Variants in ATP8A2 observed in about 807,000 individuals in gnomAD.
ATP8A2 encodes phospholipid-transporting ATPase IB.
Under a neutral mutation model 165.6 loss-of-function variants are expected in ATP8A2, and 100 were observed. The ratio of observed to expected loss-of-function variants is 0.60; its 90% CI spans 0.51 to 0.71. The LOEUF (loss-of-function observed/expected upper bound fraction) is 0.71, where lower values mean the gene tolerates loss of function less well. Among genes scored for constraint, ATP8A2 ranks in the 30% least tolerant of loss-of-function variants. The pLI is 0.00. For missense variants in ATP8A2, 1,227 were observed against 1,479.5 expected, an observed-to-expected ratio of 0.83 and a Z score of 2.80; for synonymous variants, 543 against 548.8, an observed-to-expected ratio of 0.99 and a Z score of 0.15.
intron 24 of ATP8A2, among the ~76,000 whole-genome samples, chr13:25,693,878 TGTC>T (rs1377323923): frequency 2.0e-5 from 3 of 152,028 alleles, no homozygotes; most frequent in Non-Finnish European, 4.4e-5. Flanking sequence ...TTGTTGTTGT[TGTC>T]TGGAGATGGA....
chr13:25,586,236 G>T (rs533472215), intron 23 of ATP8A2, among the ~76,000 whole-genome samples: 2 of 152,294 alleles, frequency 1.3e-5, no homozygotes, highest in Non-Finnish European at 2.9e-5. Context: ...TTCTCAGAAG[G>T]AACAATATGA....
chr13:25,632,588 C>G (rs1347196241), intron 24 of ATP8A2, among the ~76,000 whole-genome samples: 5 of 152,158 alleles, frequency 3.3e-5, no homozygotes, highest in Non-Finnish European at 7.3e-5. Context: ...GACTTTTGCT[C>G]TAATGTTTCT....
intron 27 of ATP8A2, among the ~76,000 whole-genome samples, chr13:25,816,081 A>T (rs942870911): frequency 1.3e-5 from 2 of 152,168 alleles, no homozygotes; most frequent in Admixed American, 1.3e-4. Flanking sequence ...AGTCCTGGAG[A>T]TGGATGATGG....
At chr13:25,661,441 T>C (rs1018231560) in intron 24 of ATP8A2, among the ~76,000 whole-genome samples, 1 of 152,220 alleles carries the variant, frequency 6.6e-6, no homozygotes, top group Non-Finnish European at 1.5e-5. Context: ...CACACAATTT[T>C]TGTTTTTGAT....
At chr13:25,971,181 C>T (rs1042040638) in intron 35 of ATP8A2, among the ~76,000 whole-genome samples, 9 of 151,918 alleles carry the variant, frequency 5.9e-5, no homozygotes, top group Non-Finnish European at 1.2e-4. Flanking sequence ...TGACCCCCTC[C>T]CATTTGTTTT....
chr13:25,712,613 A>G (rs1297298671), intron 25 of ATP8A2, among the ~76,000 whole-genome samples: 4 of 152,224 alleles, frequency 2.6e-5, no homozygotes. Flanking sequence ...TAGATGATAC[A>G]TAAAAAGGAT....
intron 24 of ATP8A2, among the ~76,000 whole-genome samples, chr13:25,690,389 C>CT (rs560573240): frequency 0.076 from 11,123 of 146,078 alleles, 513 homozygotes; most frequent in Non-Finnish European, 0.12. Flanking sequence ...AAATTTGTGA[C>CT]TTTTTTTTTT....
chr13:25,974,050 C>T (rs1955971297), intron 35 of ATP8A2, among the ~76,000 whole-genome samples: 1 of 152,208 alleles, frequency 6.6e-6, no homozygotes, highest in South Asian at 2.1e-4. Context: ...TTCCTTCCAG[C>T]TGCATTTTTT....
chr13:25,618,399 C>T (rs867398331), intron 24 of ATP8A2, among the ~76,000 whole-genome samples: 6 of 152,158 alleles, frequency 3.9e-5, no homozygotes, highest in Admixed American at 1.3e-4. Context: ...GTCACTGCCC[C>T]GAGACTGCCT....
chr13:25,632,672 C>T (rs779305935), intron 24 of ATP8A2, among the ~76,000 whole-genome samples: 2 of 152,168 alleles, frequency 1.3e-5, no homozygotes, highest in South Asian at 2.1e-4. Context: ...AGGTGTAGCT[C>T]ACTGGGTAGG....
chr13:25,416,484 G>A (rs1566116447), intron 1 of ATP8A2, among the ~76,000 whole-genome samples: 1 of 152,030 alleles, frequency 6.6e-6, no homozygotes. Context: ...AAAGTCTCTT[G>A]GAAGACTCCA....
In ATP8A2 at chr13:25,854,267, A is replaced by G. The variant is rs574097822; in HGVS notation, c.2957-5928A>G. Among the ~76,000 whole-genome samples, 151 of 152,306 alleles carry G rather than the reference A, an allele frequency of 9.9e-4. 1 individual carries two copies. The highest frequency in any genetic ancestry group is 3.5e-3 in the African/African-American group (145 of 41,566). ...ACACCGCTGTTTATCTACATACTCC[A>G]GCCAAAAACTTTCTTGATTCCTCAC... is the stretch of plus-strand genomic sequence containing the variant. On this transcript the variant is annotated intron_variant, in intron 30 of 36. Coordinates refer to ENST00000381655, the MANE Select transcript of ATP8A2 (RefSeq NM_016529.6).
At chr13:25,646,712 G>A (rs1042709261) in intron 24 of ATP8A2, among the ~76,000 whole-genome samples, 1 of 149,840 alleles carries the variant, frequency 6.7e-6, no homozygotes, top group Admixed American at 6.7e-5. Context: ...TTTTTATTAG[G>A]GAATTTAATC....
At chr13:25,517,830 T>A (rs759773555) in intron 2 of ATP8A2, among the ~76,000 whole-genome samples, 5 of 152,224 alleles carry the variant, frequency 3.3e-5, no homozygotes, top group Non-Finnish European at 5.9e-5. Flanking sequence ...ACTGGTGAGA[T>A]TTCAGTAGTT....
At chr13:25,578,547 G>A (rs1248178651) in intron 20 of ATP8A2, among the ~76,000 whole-genome samples, 1 of 152,202 alleles carries the variant, frequency 6.6e-6, no homozygotes, top group African/African-American at 2.4e-5. Context: ...AGGCCCCCAT[G>A]TATTCCAATG....
At chr13:25,783,918 G>A (rs1447495412) in intron 27 of ATP8A2, among the ~76,000 whole-genome samples, 2 of 152,166 alleles carry the variant, frequency 1.3e-5, no homozygotes, top group Admixed American at 6.5e-5. Context: ...GTTGCTGCTG[G>A]TTGATAGAGC....
intron 2 of ATP8A2, among the ~76,000 whole-genome samples, chr13:25,494,884 C>T (rs1375119293): frequency 6.6e-6 from 1 of 152,224 alleles, no homozygotes; most frequent in Non-Finnish European, 1.5e-5. Context: ...CGGAGCTTTG[C>T]AATGTCCTTC....
At chr13:25,460,243 G>T (rs1247744092) in intron 1 of ATP8A2, among the ~76,000 whole-genome samples, 1 of 152,140 alleles carries the variant, frequency 6.6e-6, no homozygotes, top group Non-Finnish European at 1.5e-5. Context: ...AATATGCTCA[G>T]GACAGGCAAA....
intron 25 of ATP8A2, among the ~76,000 whole-genome samples, chr13:25,749,178 AG>A (rs1422110799): frequency 2.0e-5 from 3 of 152,180 alleles, no homozygotes; most frequent in Non-Finnish European, 4.4e-5. Flanking sequence ...GGCATTTGGG[AG>A]GCACTGCAGA....
Sources: allele counts gnomAD v4.1 joint callset (sites outside exome capture counted in the v4.1 genomes callset), GRCh38; gene constraint gnomAD v4.1.1; transcripts MANE v1.5; gene names NCBI Gene and HGNC (gene_info 2026-07-23, HGNC 2026-07-21).